Variants in NEXMIF observed in about 807,000 individuals in gnomAD.
NEXMIF encodes neurite extension and migration factor.
A neutral mutation model predicts 62.1 loss-of-function variants in NEXMIF; 8 were observed. The observed-to-expected ratio is 0.13, with a 90% CI of 0.08 to 0.23. The LOEUF (loss-of-function observed/expected upper bound fraction) is 0.23, where lower values mean the gene tolerates loss of function less well. Ranked by LOEUF, NEXMIF falls within the 10% of genes least tolerant of loss-of-function variation. The pLI, the probability that NEXMIF is intolerant of heterozygous loss-of-function variation, is 1.00. For missense variants in NEXMIF, 976 were observed against 1,113.3 expected (o/e 0.88, Z 1.75); for synonymous variants, 404 against 416.6 (o/e 0.97, Z 0.37).
intron 1 of NEXMIF, among the ~76,000 whole-genome samples, chrX:74,753,624 C>A (rs2080150451): frequency 9.0e-6 from 1 of 110,880 alleles, no homozygotes; most frequent in South Asian, 3.9e-4. Context: ...GAAGTAGGCA[C>A]TGCTCTTCCA....
At chrX:74,804,128 T>C (rs1195514551) in intron 1 of NEXMIF, among the ~76,000 whole-genome samples, 1 of 112,337 alleles carries the variant, frequency 8.9e-6, no homozygotes, top group Non-Finnish European at 1.9e-5. Context: ...TACAATAAGA[T>C]ATAAAAGAAC....
chrX:74,791,937 C>T (rs1443387015), intron 1 of NEXMIF, among the ~76,000 whole-genome samples: 2 of 111,174 alleles, frequency 1.8e-5, no homozygotes, highest in African/African-American at 3.3e-5. Flanking sequence ...CCTGGATTCA[C>T]TGATTTTTTT....
intron 1 of NEXMIF, among the ~76,000 whole-genome samples, chrX:74,908,383 C>T (rs16988567): frequency 0.13 from 14,542 of 111,538 alleles, 1,587 homozygotes; most frequent in East Asian, 0.91. Context: ...ACTACATCCA[C>T]TCTGGCCTTC....
intron 1 of NEXMIF, among the ~76,000 whole-genome samples, chrX:74,846,726 T>C (rs1203195033): frequency 8.9e-6 from 1 of 112,432 alleles, no homozygotes; most frequent in Non-Finnish European, 1.9e-5. Context: ...GTTATAAATA[T>C]CTATCATGTA....
At chrX:74,767,817 G>A (rs2080199074) in intron 1 of NEXMIF, among the ~76,000 whole-genome samples, 1 of 112,586 alleles carries the variant, frequency 8.9e-6, no homozygotes, top group African/African-American at 3.2e-5. Context: ...CCCTCTGGGA[G>A]CTCCGTCTTA....
At chrX:74,831,967 G>T in intron 1 of NEXMIF, among the ~76,000 whole-genome samples, 1 of 111,931 alleles carries the variant, frequency 8.9e-6, no homozygotes, top group Middle Eastern at 4.6e-3. Flanking sequence ...AATCCCACTT[G>T]GTCACAATGA....
intron 1 of NEXMIF, among the ~76,000 whole-genome samples, chrX:74,821,377 A>G (rs2080395103): frequency 8.9e-6 from 1 of 112,225 alleles, no homozygotes; most frequent in Admixed American, 9.5e-5. Context: ...AGGGAAAAAA[A>G]TCACAAAAAC....
chrX:74,874,855 C>T (rs1315343282), intron 1 of NEXMIF, among the ~76,000 whole-genome samples: 1 of 105,662 alleles, frequency 9.5e-6, no homozygotes, highest in Admixed American at 1.0e-4. Flanking sequence ...TATCCTGAGA[C>T]TTTGCTGAAG....
intron 1 of NEXMIF, among the ~76,000 whole-genome samples, chrX:74,747,187 C>A (rs1340773410): frequency 8.9e-6 from 1 of 111,959 alleles, no homozygotes; most frequent in Non-Finnish European, 1.9e-5. Flanking sequence ...CCACTAAGTC[C>A]ATCTTGGCAG....
intron 1 of NEXMIF, among the ~76,000 whole-genome samples, chrX:74,906,796 T>C (rs58368222): frequency 0.011 from 1,242 of 111,097 alleles, 20 homozygotes; most frequent in African/African-American, 0.039. Context: ...CCTACTGCCC[T>C]CTCCCAAGAT....
intron 1 of NEXMIF, among the ~76,000 whole-genome samples, chrX:74,844,050 A>G (rs373370854): frequency 3.6e-5 from 4 of 112,043 alleles, no homozygotes; most frequent in African/African-American, 1.3e-4. Flanking sequence ...AGCTTAGTTT[A>G]GCTGGATATG....
chrX:74,848,490 C>A (rs181557808), intron 1 of NEXMIF, among the ~76,000 whole-genome samples: 61 of 112,576 alleles, frequency 5.4e-4, no homozygotes, highest in Admixed American at 3.6e-3. Flanking sequence ...TCTGTACCCT[C>A]CTCTGGAGGC....
intron 1 of NEXMIF, among the ~76,000 whole-genome samples, chrX:74,777,412 C>T (rs1009819102): frequency 9.0e-6 from 1 of 111,729 alleles, no homozygotes; most frequent in Admixed American, 9.5e-5. Flanking sequence ...ATATCCATCA[C>T]CTCCAACATT....
Position 74,858,111 on chromosome X carries a change from C to T in NEXMIF, c.-48+66772G>A, listed in dbSNP as rs1453821040. Among the ~76,000 whole-genome samples the T allele has an allele frequency of 3.6e-5, 4 of 112,118 alleles. No homozygotes were observed. The Admixed American group carries it at 3.8e-4, about 11-fold the overall frequency. On this transcript the variant is annotated intron_variant, in intron 1 of 3. Transcript: ENST00000055682. ...AAACTTGCTGCCCTGAAGGGAAGAA[C>T]AAAATTGTCACTCGATTTGCCACCT...
chrX:74,880,948 C>A (rs1306253517), intron 1 of NEXMIF, among the ~76,000 whole-genome samples: 2 of 111,173 alleles, frequency 1.8e-5, no homozygotes, highest in Admixed American at 9.6e-5. Context: ...AAACAACGAT[C>A]ATGAACACTG....
At chrX:74,812,972 C>A (rs1015151315) in intron 1 of NEXMIF, among the ~76,000 whole-genome samples, 27 of 111,830 alleles carry the variant, frequency 2.4e-4, no homozygotes, top group Non-Finnish European at 3.0e-4. Flanking sequence ...CTAAGAGTAA[C>A]ATTGACTGCT....
At chrX:74,868,194 A>G (rs1319782412) in intron 1 of NEXMIF, among the ~76,000 whole-genome samples, 2 of 112,309 alleles carry the variant, frequency 1.8e-5, no homozygotes, top group Non-Finnish European at 3.8e-5. Flanking sequence ...AAATTAGTTC[A>G]ACCATTGTGG....
chrX:74,878,143 A>G (rs1413286189), intron 1 of NEXMIF, among the ~76,000 whole-genome samples: 3 of 110,841 alleles, frequency 2.7e-5, no homozygotes, highest in African/African-American at 9.8e-5. Flanking sequence ...GTCTTTGATG[A>G]TGGTGATGTA....
rs191887557 is a variant in NEXMIF at position 74,911,071 on chromosome X, A to G, written c.-48+13812T>C. 4.2e-3 allele frequency among the ~76,000 whole-genome samples: 472 copies of G among 112,089 alleles called. 3 individuals are homozygous for G. The highest frequency in any genetic ancestry group is 0.014 in the African/African-American group (445 of 30,857). The stretch of plus-strand genomic sequence containing the variant: ...TTCCAGGTTCTCTTCTTAGATTTGT[A>G]TAAGAGTATCCTGACCCTTTGGCCC... On this transcript the variant is annotated intron_variant, in intron 1 of 3. Coordinates refer to ENST00000055682, the MANE Select transcript of NEXMIF (RefSeq NM_001008537.3).
Sources: allele counts gnomAD v4.1 joint callset (sites outside exome capture counted in the v4.1 genomes callset), GRCh38; gene constraint gnomAD v4.1.1; transcripts MANE v1.5; gene names NCBI Gene and HGNC (gene_info 2026-07-23, HGNC 2026-07-21).